Variants in C12orf42 observed in about 807,000 individuals in gnomAD.
The protein encoded by C12orf42 is uncharacterized protein C12orf42.
Under a neutral mutation model 21.6 loss-of-function variants are expected in C12orf42, and 25 were observed. The observed-to-expected ratio is 1.16, with a 90% CI of 0.84 to 1.62. The LOEUF (loss-of-function observed/expected upper bound fraction) is 1.62, where lower values mean the gene tolerates loss of function less well. C12orf42 is among the 40% of genes most tolerant of loss of function. The probability of loss-of-function intolerance (pLI) is 0.00; values close to 1 mark genes in which losing one functional copy is unlikely to be tolerated. For missense variants in C12orf42, 483 were observed against 459.3 expected (o/e 1.05, Z -0.47); for synonymous variants, 174 against 175.0 (o/e 0.99, Z 0.05).
intron 3 of C12orf42, among the ~76,000 whole-genome samples, chr12:103,374,574 G>A (rs1460674169): frequency 6.6e-6 from 1 of 152,094 alleles, no homozygotes; most frequent in Non-Finnish European, 1.5e-5. Flanking sequence ...TCAAAATGTA[G>A]TCTGTGTTTA....
upstream of C12orf42, among the ~76,000 whole-genome samples, chr12:103,497,105 T>A (rs997572167): frequency 3.3e-5 from 5 of 152,248 alleles, no homozygotes; most frequent in East Asian, 1.9e-4. Flanking sequence ...TGCATTTTTT[T>A]AAATTTGCTG....
chr12:103,505,342 C>T, the C12orf42 span: 2 of 281,352 alleles, frequency 7.1e-6, no homozygotes, highest in South Asian at 6.4e-5. Flanking sequence ...TTATGCTGGA[C>T]ATTGGAGCAG....
chr12:103,513,611 G>A, the C12orf42 span, among the ~76,000 whole-genome samples: 1 of 152,208 alleles, frequency 6.6e-6, no homozygotes. Flanking sequence ...GTCTTTCTCT[G>A]AGTATAAGTT....
the C12orf42 span, among the ~76,000 whole-genome samples, chr12:103,550,089 A>G: frequency 1.2e-3 from 185 of 152,196 alleles, 2 homozygotes; most frequent in Middle Eastern, 3.4e-3. Flanking sequence ...TATAATAAAT[A>G]TTTGCAAGTA....
At position 103,457,755 on chromosome 12, in the gene C12orf42, C is replaced by G. The variant is rs576630859; in HGVS notation, c.78+20594G>C. ...TTTTCTCCACTTCCCACAAGTTTCACGTTTATATGCTCTGCCCTCCTGGCA... is the reference window on the plus strand; with the variant it reads ...TTTTCTCCACTTCCCACAAGTTTCAGGTTTATATGCTCTGCCCTCCTGGCA... On this transcript the variant is annotated intron_variant, in intron 2 of 5. Coordinates refer to ENST00000548883, the MANE Select transcript of C12orf42 (RefSeq NM_198521.5). 2.0e-5 allele frequency among the ~76,000 whole-genome samples: 3 copies of G among 152,142 alleles called. No individual in the cohort carries two copies. The East Asian group carries it at 5.8e-4, about 29-fold the overall frequency.
At chr12:103,349,066 C>T (rs1238215134) in intron 4 of C12orf42, 1 of 152,150 alleles carries the variant, frequency 6.6e-6, no homozygotes, top group East Asian at 1.9e-4. Context: ...TAGTCTCATT[C>T]CTCTTACTGT....
intron 2 of C12orf42, among the ~76,000 whole-genome samples, chr12:103,414,601 C>T (rs558373746): frequency 6.6e-6 from 1 of 152,092 alleles, no homozygotes; most frequent in South Asian, 2.1e-4. Context: ...TTATAAAGAT[C>T]TTTCACTACC....
chr12:103,080,041 T>G, the C12orf42 span, among the ~76,000 whole-genome samples: 1 of 152,202 alleles, frequency 6.6e-6, no homozygotes, highest in East Asian at 1.9e-4. Context: ...ACATTATATA[T>G]ACACCAAGTA....
At chr12:103,195,315 T>C in the C12orf42 span, among the ~76,000 whole-genome samples, 10 of 152,312 alleles carry the variant, frequency 6.6e-5, no homozygotes, top group East Asian at 1.9e-3. Context: ...TACCCAGTAA[T>C]GGAATTGCTG....
intron 2 of C12orf42, among the ~76,000 whole-genome samples, chr12:103,444,478 G>C (rs1951454079): frequency 1.3e-5 from 2 of 151,986 alleles, no homozygotes; most frequent in Admixed American, 1.3e-4. Flanking sequence ...TTTCTGTCTA[G>C]TATGAGTTAA....
At chr12:103,138,408 C>T in the C12orf42 span, among the ~76,000 whole-genome samples, 53 of 152,136 alleles carry the variant, frequency 3.5e-4, no homozygotes, top group African/African-American at 1.2e-3. Context: ...TCCCTTTGCT[C>T]GCTCGCTCTC....
upstream of C12orf42, among the ~76,000 whole-genome samples, chr12:103,496,514 T>C (rs556671902): frequency 5.3e-5 from 8 of 152,316 alleles, no homozygotes; most frequent in South Asian, 1.7e-3. Context: ...CAAGGACATT[T>C]AGCTGTGCCA....
chr12:103,435,366 A>G lies in C12orf42; in HGVS notation c.79-33691T>C, dbSNP rs556826121. On this transcript the variant is annotated intron_variant, in intron 2 of 5. Transcript: ENST00000548883. The stretch of plus-strand genomic sequence containing the variant: ...TGCCTCTCCTCCTCCAAAGGAACGC[A>G]GTTCCTCACCAGCAACGGAACAAAG... Among the ~76,000 whole-genome samples the G allele has an allele frequency of 3.6e-3, 553 of 152,384 alleles. 3 individuals are homozygous for G. Among genetic ancestry groups the G allele is most frequent in the African/African-American group, 0.012 (499 of 41,592 alleles).
At chr12:103,488,595 A>T (rs1412317013) in intron 1 of C12orf42, among the ~76,000 whole-genome samples, 1 of 152,136 alleles carries the variant, frequency 6.6e-6, no homozygotes, top group Non-Finnish European at 1.5e-5. Flanking sequence ...CACCAATCAA[A>T]CATAGATTTG....
chr12:103,323,834 T>C (rs1313289644), intron 4 of C12orf42, among the ~76,000 whole-genome samples: 4 of 152,178 alleles, frequency 2.6e-5, no homozygotes, highest in Non-Finnish European at 5.9e-5. Flanking sequence ...TAAAAAGAAA[T>C]ACTCCCTTTG....
chr12:103,338,391 A>G (rs1208927568), intron 4 of C12orf42, among the ~76,000 whole-genome samples: 5 of 152,108 alleles, frequency 3.3e-5, no homozygotes, highest in African/African-American at 1.2e-4. Flanking sequence ...AACACCTGAA[A>G]CTCAACATTT....
In C12orf42 at chr12:103,296,491, G is replaced by A. The variant is rs185901267; in HGVS notation, n.338-19281C>T. On this transcript the variant is annotated intron_variant and non_coding_transcript_variant, in intron 4 of 6. Transcript: ENST00000546526. ...ACAGTCCCACCAACAGTGTAAAAGC[G>A]TTCCTATTTCTCCATATCCTCTCCA... Among the ~76,000 whole-genome samples, 645 of 152,244 alleles carry A rather than the reference G, an allele frequency of 4.2e-3. 5 individuals are homozygous for A. Among genetic ancestry groups the A allele is most frequent in the African/African-American group, 0.015 (603 of 41,536 alleles).
chr12:103,436,998 C>G (rs1384974243), intron 2 of C12orf42, among the ~76,000 whole-genome samples: 22 of 149,782 alleles, frequency 1.5e-4, no homozygotes, highest in Middle Eastern at 3.4e-3. Flanking sequence ...TGACCACATA[C>G]TTGGAAGTAA....
the C12orf42 span, among the ~76,000 whole-genome samples, chr12:103,087,446 C>G: frequency 6.6e-6 from 1 of 152,138 alleles, no homozygotes; most frequent in East Asian, 1.9e-4. Flanking sequence ...CCCGTTAAAC[C>G]TGGGGGATGT....
Sources: allele counts gnomAD v4.1 joint callset (sites outside exome capture counted in the v4.1 genomes callset), GRCh38; gene constraint gnomAD v4.1.1; transcripts MANE v1.5; gene names NCBI Gene and HGNC (gene_info 2026-07-23, HGNC 2026-07-21).